The following KMT2B variants were observed in gnomAD, a reference collection of about 807,000 sequenced individuals.
The protein encoded by KMT2B is lysine methyltransferase 2B.
KMT2B carries 22 observed loss-of-function variants against 255.3 expected under a neutral mutation model. The ratio of observed to expected loss-of-function variants is 0.09; its 90% CI spans 0.06 to 0.12. The LOEUF (loss-of-function observed/expected upper bound fraction) is 0.12. Ranked by LOEUF, KMT2B falls within the 10% of genes least tolerant of loss-of-function variation. KMT2B has a pLI of 1.00. For missense variants in KMT2B, 3,149 were observed against 3,737.0 expected (o/e 0.84, Z 4.10); for synonymous variants, 1,730 against 1,498.1 (o/e 1.15, Z -3.57).
Position 35,737,303 on chromosome 19 carries a change from C to T in KMT2B, c.7550+40C>T. 6.9e-7 allele frequency: 1 copy of T among 1,457,092 alleles called. No homozygotes were observed. The highest frequency in any genetic ancestry group is 1.4e-5 in the South Asian group (1 of 69,228). The allele number at this position is 1,457,092 out of a possible 1,614,324, so 90.3% of individuals were successfully genotyped here. A position where few individuals can be genotyped will look rare whatever the true frequency, so the allele number is the denominator to read the frequency against. ...GTGTGATGCCTGGGTCAGGGCGCCCCTATGAGAGCTCTTGAGGGTGGGAGT... is the reference window on the plus strand; with the variant it reads ...GTGTGATGCCTGGGTCAGGGCGCCCTTATGAGAGCTCTTGAGGGTGGGAGT... On this transcript the variant is annotated intron_variant, in intron 33 of 36. Coordinates refer to ENST00000420124, the MANE Select transcript of KMT2B (RefSeq NM_014727.3). The surrounding 1 kb of genome is among the most constrained non-coding windows in gnomAD (Gnocchi z 5.3).
intron 5 of KMT2B, 34 bp from the exon 6 acceptor site, chr19:35,722,960 TG>T: frequency 6.7e-7 from 1 of 1,502,490 alleles, no homozygotes; most frequent in South Asian, 1.3e-5. Context: ...GGTGGCTTTG[TG>T]GCTCCATCCC....
rs367625328 is a variant in KMT2B, at chr19:35,725,598, C to T, written c.3762C>T (p.Val1254=). The T allele has an allele frequency of 2.5e-6, 4 of 1,610,430 alleles. No individual in the cohort carries two copies. The highest frequency in any genetic ancestry group is 2.2e-5 in the East Asian group (1 of 44,898). ...GCCGTCGCTGCAAATTCTGCCACGT[C>T]TGTGGACGCAAAGGTCGTGGATCCA... ...WCCRRCKFCH[V]CGRKGRGSKH... Residue 1254 remains valine (V), a synonymous_variant, in exon 12 of 37, where the codon GTC becomes GTT. Coordinates refer to ENST00000420124, the MANE Select transcript of KMT2B (RefSeq NM_014727.3). The surrounding 1 kb of genome is among the most constrained non-coding windows in gnomAD (Gnocchi z 4.1).
At position 35,721,214 on chromosome 19, in the gene KMT2B, CCAGCCCCTCCACCT is replaced by C; in HGVS notation, c.1869_1882del (p.Ala624ProfsTer47). 1 of 1,508,132 alleles carries C rather than the reference CCAGCCCCTCCACCT, an allele frequency of 6.6e-7. No homozygotes were observed. The highest frequency in any genetic ancestry group is 8.9e-7 in the Non-Finnish European group (1 of 1,119,776). The allele number at this position is 1,508,132 out of a possible 1,614,324, so 93.4% of individuals were successfully genotyped here. On this transcript the variant is annotated frameshift_variant, in exon 3 of 37. Coordinates refer to ENST00000420124, the MANE Select transcript of KMT2B (RefSeq NM_014727.3). LOFTEE classifies it high-confidence loss of function. ...GACCCGGGAGCTGCCCCCTCCTCCC[CCAGCCCCTCCACCT>C]CCCCCGGCCCCCTCCCCACCCCCTG...
rs551174634 is a variant in KMT2B, at chr19:35,734,366, G to A, written c.7159+494G>A. Among the ~76,000 whole-genome samples, 10 of 152,294 alleles carry A rather than the reference G, an allele frequency of 6.6e-5. No individual in the cohort carries two copies. The East Asian group carries it at 1.7e-3, about 26-fold the overall frequency. ...CGTTGGTGTCCAGTGAGAGCAGGTG[G>A]CACAGGGTGGGGCGTTGTGTCCAAG... On this transcript the variant is annotated intron_variant, in intron 30 of 36. Coordinates refer to ENST00000420124, the MANE Select transcript of KMT2B (RefSeq NM_014727.3).
chr19:35,726,468 G>T (rs1320798111), intron 14 of KMT2B, 115 bp downstream of exon 14: 14 of 719,470 alleles, frequency 1.9e-5, no homozygotes, highest in East Asian at 2.7e-5. Context: ...GTAGCTATGG[G>T]ACTATCTCTT....
intron 26 of KMT2B, 64 bp downstream of exon 26, chr19:35,730,931 G>A (rs1289411168): frequency 1.4e-5 from 21 of 1,475,240 alleles, no homozygotes; most frequent in Non-Finnish European, 1.9e-5. Context: ...ACAGATCTCT[G>A]TTCCCCGCTC....
Position 35,721,654 on chromosome 19 carries a change from G to C in KMT2B, c.2307G>C (p.Met769Ile), listed in dbSNP as rs781315074. The change falls in exon 3 of 37, where the codon ATG becomes ATC. Residue 769 changes from methionine to isoleucine, a missense_variant. Physicochemically the swap from Met to Ile is conservative, Grantham distance 10. Around this residue, in one of 18 missense-constraint regions of KMT2B, gnomAD observed 1,188 missense variants for 1,106.4 expected, o/e 1.07. Transcript: ENST00000420124. ...QLQPPPSPQQ[M>I]PPLEKARIAG... is the part of the protein sequence containing the mutation. ...AGCCACCGCCGTCACCACAGCAGATGCCTCCCCTGGAAAAAGCCCGGATTG... is the reference window on the plus strand; with the variant it reads ...AGCCACCGCCGTCACCACAGCAGATCCCTCCCCTGGAAAAAGCCCGGATTG... The C allele has an allele frequency of 6.2e-7, 1 of 1,613,316 alleles. No homozygotes were observed. Among genetic ancestry groups the C allele is most frequent in the East Asian group, 2.2e-5 (1 of 44,844 alleles).
chr19:35,733,863 C>T lies in KMT2B; in HGVS notation c.7150C>T (p.His2384Tyr). Reference protein sequence around the residue: ...PDLLLESQWHHYSGEASSSEE... With the variant: ...PDLLLESQWHYYSGEASSSEE... ...CCTGCTGCTTGAGTCCCAGTGGCAC[C>T]ACTATTCAGGTAGGGACCGGCCTTG... is the stretch of plus-strand genomic sequence containing the variant. The change falls in exon 30 of 37, where the codon CAC becomes TAC. Residue 2384 changes from histidine (H) to tyrosine (Y), a missense_variant. This residue lies in a region of KMT2B where 897 missense variants were observed against 825.3 expected (regional missense o/e 1.09). Transcript: ENST00000420124. The surrounding 1 kb of genome is among the most constrained non-coding windows in gnomAD (Gnocchi z 4.3). The T allele has an allele frequency of 6.2e-7, 1 of 1,612,032 alleles. No individual in the cohort carries two copies. The highest frequency in any genetic ancestry group is 8.5e-7 in the Non-Finnish European group (1 of 1,178,280).
chr19:35,728,648 A>T (rs1359815207), intron 19 of KMT2B, 126 bp from the exon 20 acceptor site: 13 of 710,950 alleles, frequency 1.8e-5, no homozygotes, highest in Non-Finnish European at 3.3e-5. Flanking sequence ...TATTTGGTGG[A>T]CTGAGAGAAA....
chr19:35,723,495 T>TA lies in KMT2B; in HGVS notation c.3057dup (p.Gly1020ArgfsTer15). ...AGGCTCGGAAGATGGAACGACTGGC[T>TA]AAAAAAGGTGACGAGCTTTAAGGAG... On this transcript the variant is annotated frameshift_variant, in exon 7 of 37. Coordinates refer to ENST00000420124, the MANE Select transcript of KMT2B (RefSeq NM_014727.3). LOFTEE classifies it high-confidence loss of function. This position sits in a 1 kb window ranked among gnomAD's most constrained non-coding sequence, Gnocchi z 7.5. 6.4e-7 allele frequency: 1 copy of TA among 1,568,516 alleles called. No homozygotes were observed. Among genetic ancestry groups the TA allele is most frequent in the Non-Finnish European group, 8.6e-7 (1 of 1,157,526 alleles).
chr19:35,719,554 G>A lies in KMT2B; in HGVS notation c.436+13G>A, dbSNP rs553620514. On this transcript the variant is annotated intron_variant, in intron 2 of 36. Transcript: ENST00000420124. ...CGATCCCAGCGAGGTGAGTGACGGG[G>A]GAACTCCACCTCTTTAGCGTCACAG... 227 of 1,581,576 alleles carry A rather than the reference G, an allele frequency of 1.4e-4. No individual in the cohort carries two copies. The South Asian group carries it at 2.4e-3, about 17-fold the overall frequency.
chr19:35,725,436 C>T lies in KMT2B; in HGVS notation c.3643-43C>T. ...TGGGTCTCATCCCTTGGCCCTCTGG[C>T]CTCATGCTATGCCCATCATTCACTC... On this transcript the variant is annotated intron_variant, in intron 11 of 36. Transcript: ENST00000420124. This position sits in a 1 kb window ranked among gnomAD's most constrained non-coding sequence, Gnocchi z 4.1. 1.2e-6 allele frequency: 2 copies of T among 1,603,226 alleles called. No homozygotes were observed. The highest frequency in any genetic ancestry group is 1.1e-5 in the South Asian group (1 of 90,838).
At position 35,732,914 on chromosome 19, in the gene KMT2B, G is replaced by T; in HGVS notation, c.6365G>T (p.Gly2122Val). Reference sequence around the variant, plus strand: ...GTGGATTTTGTGTTGAAGAACCTAGGGGGTCCTGGGGATGGAGGTGCTGGC... The same window carrying T: ...GTGGATTTTGTGTTGAAGAACCTAGTGGGTCCTGGGGATGGAGGTGCTGGC... ...EIVDFVLKNL[G>V]GPGDGGAGPR... The change falls in exon 28 of 37, where the codon GGG (glycine) becomes GTG (valine). Residue 2122 changes from glycine (G) to valine (V), a missense_variant. Transcript: ENST00000420124. 1 of 1,609,416 alleles carries T rather than the reference G, an allele frequency of 6.2e-7. No individual in the cohort carries two copies. The highest frequency in any genetic ancestry group is 8.5e-7 in the Non-Finnish European group (1 of 1,178,468).
At chr19:35,734,200 C>T (rs951214611) in intron 30 of KMT2B, among the ~76,000 whole-genome samples, 2 of 152,014 alleles carry the variant, frequency 1.3e-5, no homozygotes, top group Non-Finnish European at 2.9e-5. Flanking sequence ...CTAGGATCAT[C>T]TAGAGGGAAT....
Position 35,722,855 on chromosome 19 carries a change from T to A in KMT2B, c.2722+137T>A, listed in dbSNP as rs1969276396. On this transcript the variant is annotated intron_variant, in intron 5 of 36. Coordinates refer to ENST00000420124, the MANE Select transcript of KMT2B (RefSeq NM_014727.3). ...GTGGCAAGTGGGCTGGAGTGCTAGG[T>A]CCTAGAGCAACTTCATTTGGGGGCA... is the stretch of plus-strand genomic sequence containing the variant. 18 of 1,417,132 alleles carry A rather than the reference T, an allele frequency of 1.3e-5. No individual in the cohort carries two copies. The South Asian group carries it at 2.6e-4, about 21-fold the overall frequency. 87.8% of individuals were successfully genotyped at this position (1,417,132 alleles called of 1,614,324 possible).
Position 35,727,474 on chromosome 19 carries a change from C to G in KMT2B, c.4154C>G (p.Ser1385Trp). The change falls in exon 16 of 37, where the codon TCG (serine) becomes TGG (tryptophan). Residue 1385 changes from serine to tryptophan, a missense_variant. Transcript: ENST00000420124. The surrounding 1 kb of genome is among the most constrained non-coding windows in gnomAD (Gnocchi z 4.2). ...DYEILSGLPD[S>W]VLYTCGPCAG... ...GAGATCCTTTCAGGACTGCCAGACT[C>G]GGTGCTGTACACCTGCGGACCGTGT... is the stretch of plus-strand genomic sequence containing the variant. 6.2e-7 allele frequency: 1 copy of G among 1,612,914 alleles called. No homozygotes were observed. The highest frequency in any genetic ancestry group is 8.5e-7 in the Non-Finnish European group (1 of 1,179,854).
rs1216481239 is a variant in KMT2B, at chr19:35,733,960, C to A, written c.7159+88C>A. 1 of 902,014 alleles carries A rather than the reference C, an allele frequency of 1.1e-6. No individual in the cohort carries two copies. The highest frequency in any genetic ancestry group is 1.8e-6 in the Non-Finnish European group (1 of 568,422). The allele number at this position is 902,014 out of a possible 1,614,324, so 55.9% of individuals were successfully genotyped here. On this transcript the variant is annotated intron_variant, in intron 30 of 36. Transcript: ENST00000420124. This position sits in a 1 kb window ranked among gnomAD's most constrained non-coding sequence, Gnocchi z 4.3. ...ATGCAAAATCAGCCCTCTTTCAAAA[C>A]CAGTATCTACTCCCAGGGGCCAAGC...
Position 35,738,622 on chromosome 19 carries a change from C to T in KMT2B, c.*65C>T. The T allele has an allele frequency of 1.3e-6, 2 of 1,517,840 alleles. No individual in the cohort carries two copies. Among genetic ancestry groups the T allele is most frequent in the Non-Finnish European group, 1.8e-6 (2 of 1,119,138 alleles). 94.0% of individuals were successfully genotyped at this position (1,517,840 alleles called of 1,614,324 possible). A position where few individuals can be genotyped will look rare whatever the true frequency, so the allele number is the denominator to read the frequency against. On this transcript the variant is annotated 3_prime_UTR_variant, in exon 37 of 37. Transcript: ENST00000420124. The surrounding 1 kb of genome is among the most constrained non-coding windows in gnomAD (Gnocchi z 8.7). ...GCCGTCGCTGCCATCTTGCCCCTAGCCTGGGGGCTCCCTAGCCCCTCCCAG... is the reference window on the plus strand; with the variant it reads ...GCCGTCGCTGCCATCTTGCCCCTAGTCTGGGGGCTCCCTAGCCCCTCCCAG...
chr19:35,719,597 T>C (rs1568366899), intron 2 of KMT2B, 56 bp downstream of exon 2: 1 of 1,535,842 alleles, frequency 6.5e-7, no homozygotes, highest in Non-Finnish European at 8.9e-7. Flanking sequence ...TCCTCGCCCT[T>C]CGTGTCAGCT....
Sources: allele counts gnomAD v4.1 joint callset (sites outside exome capture counted in the v4.1 genomes callset), GRCh38; gene constraint gnomAD v4.1.1; regional missense constraint gnomAD v4.1.1; non-coding constraint Gnocchi (gnomAD v3.1); transcripts MANE v1.5; gene names NCBI Gene and HGNC (gene_info 2026-07-23, HGNC 2026-07-21).